GRIN2A: variants seen among roughly 807,000 people sequenced by gnomAD.
GRIN2A encodes the protein glutamate receptor ionotropic, NMDA 2A.
In GRIN2A, 22 loss-of-function variants were observed where a neutral mutation model predicts 113.4. That is an observed-to-expected ratio of 0.19 (90% CI 0.14 to 0.28). The LOEUF (loss-of-function observed/expected upper bound fraction) is 0.28, where lower values mean the gene tolerates loss of function less well. Ranked by LOEUF, GRIN2A falls within the 10% of genes least tolerant of loss-of-function variation. GRIN2A has a pLI of 1.00. For synonymous variants in GRIN2A, 827 were observed against 738.4 expected (o/e 1.12, Z -1.94); for missense variants, 1,502 against 1,887.0 (o/e 0.80, Z 3.78).
At chr16:9,914,950 T>G in intron 3 of GRIN2A, among the ~76,000 whole-genome samples, 1 of 98,000 alleles carries the variant, frequency 1.0e-5, no homozygotes, top group Non-Finnish European at 1.9e-5. Flanking sequence ...TTTTTTTTTT[T>G]TAATGAGACG....
intron 11 of GRIN2A, among the ~76,000 whole-genome samples, chr16:9,772,922 C>CTAA (rs777635808): frequency 2.9e-5 from 3 of 105,014 alleles, no homozygotes; most frequent in African/African-American, 1.1e-4. Flanking sequence ...ACTTCAATTT[C>CTAA]AAAAAAAAAA....
intron 3 of GRIN2A, among the ~76,000 whole-genome samples, chr16:9,902,235 A>T (rs1394771423): frequency 6.6e-6 from 1 of 152,196 alleles, no homozygotes; most frequent in Non-Finnish European, 1.5e-5. Flanking sequence ...AATTTTCTGG[A>T]TAATAGGAAG....
intron 2 of GRIN2A, among the ~76,000 whole-genome samples, chr16:10,175,696 G>C (rs2050128852): frequency 6.6e-6 from 1 of 152,136 alleles, no homozygotes; most frequent in Non-Finnish European, 1.5e-5. Context: ...GCTTGCATAG[G>C]AATAACATAG....
In GRIN2A at chr16:9,757,012, T is replaced by G. The variant is rs529716401; in HGVS notation, c.*6137A>C. ...TTCATACCCTGGTGTATCAGAAGGG[T>G]TCTTCAAATGTCAAAAACAAAACCA... is the stretch of plus-strand genomic sequence containing the variant. On this transcript the variant is annotated 3_prime_UTR_variant, in exon 13 of 13. Transcript: ENST00000330684. 87 of 198,826 alleles carry G rather than the reference T, an allele frequency of 4.4e-4. No homozygotes were observed. Among genetic ancestry groups the G allele is most frequent in the African/African-American group, 1.8e-3 (80 of 43,608 alleles). The allele number at this position is 198,826 out of a possible 1,614,324, so 12.3% of individuals were successfully genotyped here. A position where few individuals can be genotyped will look rare whatever the true frequency, so the allele number is the denominator to read the frequency against.
At chr16:9,885,083 T>C (rs923771803) in intron 4 of GRIN2A, among the ~76,000 whole-genome samples, 2 of 152,074 alleles carry the variant, frequency 1.3e-5, no homozygotes, top group Non-Finnish European at 2.9e-5. Context: ...TCCGCCTATG[T>C]AGCACTTATA....
At chr16:10,031,263 C>CA (rs1236789719) in intron 2 of GRIN2A, 3 of 152,214 alleles carry the variant, frequency 2.0e-5, no homozygotes, top group Non-Finnish European at 4.4e-5. Context: ...AGCCTGTTCC[C>CA]ACCTCAGGGT....
At chr16:9,787,779 TC>T (rs1431585776) in intron 11 of GRIN2A, among the ~76,000 whole-genome samples, 2 of 152,222 alleles carry the variant, frequency 1.3e-5, no homozygotes, top group Non-Finnish European at 2.9e-5. Flanking sequence ...AACTGTCCCA[TC>T]CTCTCAAACG....
rs768344069 is a variant in GRIN2A at position 9,754,613 on chromosome 16, T to C, written c.*8536A>G. On this transcript the variant is annotated 3_prime_UTR_variant, in exon 13 of 13. Transcript: ENST00000330684. ...CGTAAGTGGTCATGGCCCCAGAGCT[T>C]TTCTACAAACTTAATAAACTAAAGA... 6 of 212,912 alleles carry C rather than the reference T, an allele frequency of 2.8e-5. No homozygotes were observed. Among genetic ancestry groups the C allele is most frequent in the Non-Finnish European group, 5.6e-5 (6 of 107,574 alleles). 13.2% of individuals were successfully genotyped at this position (212,912 alleles called of 1,614,324 possible).
intron 9 of GRIN2A, among the ~76,000 whole-genome samples, chr16:9,827,577 T>G (rs751796751): frequency 5.3e-5 from 8 of 152,318 alleles, no homozygotes; most frequent in Middle Eastern, 6.8e-3. Flanking sequence ...CTCACACAGA[T>G]TAGTCTTTGG....
chr16:9,925,734 G>T (rs1007979505), intron 3 of GRIN2A, among the ~76,000 whole-genome samples: 1 of 152,164 alleles, frequency 6.6e-6, no homozygotes, highest in Non-Finnish European at 1.5e-5. Flanking sequence ...GGTTGTTTCA[G>T]TCTGTAGGGG....
At chr16:10,029,987 ACT>A (rs1304414814) in intron 2 of GRIN2A, among the ~76,000 whole-genome samples, 3 of 151,948 alleles carry the variant, frequency 2.0e-5, no homozygotes, top group African/African-American at 7.3e-5. Context: ...ACAGAGTGAG[ACT>A]CTGTCTCCAA....
rs1596369215 is a variant in GRIN2A, at chr16:9,758,144, G to A, written c.*5005C>T. 1 of 215,242 alleles carries A rather than the reference G, an allele frequency of 4.6e-6. No individual in the cohort carries two copies. The allele number at this position is 215,242 out of a possible 1,614,324, so 13.3% of individuals were successfully genotyped here. A position where few individuals can be genotyped will look rare whatever the true frequency, so the allele number is the denominator to read the frequency against. On this transcript the variant is annotated 3_prime_UTR_variant, in exon 13 of 13. Coordinates refer to ENST00000330684, the MANE Select transcript of GRIN2A (RefSeq NM_001134407.3). ...CTCCTAACTTTTGGTGTGGTTCTAC[G>A]AACTCTATTTTTCTAAGACCCTTCT...
intron 4 of GRIN2A, among the ~76,000 whole-genome samples, chr16:9,886,188 A>C (rs1347764201): frequency 6.6e-6 from 1 of 152,240 alleles, no homozygotes; most frequent in Non-Finnish European, 1.5e-5. Flanking sequence ...GTGTAACATC[A>C]AAAGGTTGAA....
chr16:9,896,398 T>C (rs1052486667), intron 3 of GRIN2A, among the ~76,000 whole-genome samples: 2 of 152,202 alleles, frequency 1.3e-5, no homozygotes, highest in Non-Finnish European at 2.9e-5. Flanking sequence ...GTTGAGCACC[T>C]TTCTTTGGAT....
intron 4 of GRIN2A, among the ~76,000 whole-genome samples, chr16:9,886,269 A>T (rs1162422682): frequency 6.6e-6 from 1 of 152,256 alleles, no homozygotes; most frequent in Non-Finnish European, 1.5e-5. Flanking sequence ...TTAGAAAAAA[A>T]ACATGAATTG....
At chr16:10,045,657 A>G (rs1455364807) in intron 2 of GRIN2A, among the ~76,000 whole-genome samples, 1 of 152,224 alleles carries the variant, frequency 6.6e-6, no homozygotes, top group Non-Finnish European at 1.5e-5. Context: ...TGACAGAGGC[A>G]TCCAGAAACG....
intron 2 of GRIN2A, among the ~76,000 whole-genome samples, chr16:10,091,611 G>C (rs2048186401): frequency 6.6e-6 from 1 of 151,946 alleles, no homozygotes; most frequent in African/African-American, 2.4e-5. Flanking sequence ...CACAGCCTGG[G>C]GAATAGGCCC....
intron 4 of GRIN2A, among the ~76,000 whole-genome samples, chr16:9,857,429 A>G (rs1267813838): frequency 6.6e-6 from 1 of 152,230 alleles, no homozygotes; most frequent in Admixed American, 6.5e-5. Context: ...TTTTGTAAAT[A>G]TAAAACTAGT....
At chr16:10,134,890 C>T (rs1567323973) in intron 2 of GRIN2A, among the ~76,000 whole-genome samples, 1 of 152,142 alleles carries the variant, frequency 6.6e-6, no homozygotes, top group African/African-American at 2.4e-5. Context: ...CTTCAAAGAG[C>T]ACTCTGTGTG....
Sources: allele counts gnomAD v4.1 joint callset (sites outside exome capture counted in the v4.1 genomes callset), GRCh38; gene constraint gnomAD v4.1.1; transcripts MANE v1.5; gene names NCBI Gene and HGNC (gene_info 2026-07-23, HGNC 2026-07-21).